Variants in RAP1GAP2 observed in about 807,000 individuals in gnomAD.
RAP1GAP2 encodes rap1 GTPase-activating protein 2.
RAP1GAP2 carries 27 observed loss-of-function variants against 95.0 expected under a neutral mutation model. The observed-to-expected ratio is 0.28, with a 90% CI of 0.21 to 0.39. RAP1GAP2 has a LOEUF of 0.39. Ranked by LOEUF, RAP1GAP2 falls within the 10% of genes least tolerant of loss-of-function variation. The pLI, the probability that RAP1GAP2 is intolerant of heterozygous loss-of-function variation, is 1.00. For missense variants in RAP1GAP2, 771 were observed against 970.0 expected (o/e 0.79, Z 2.72); for synonymous variants, 373 against 380.9 (o/e 0.98, Z 0.24).
chr17:3,025,986 C>G (rs767417843), intron 19 of RAP1GAP2, 22 bp from the exon 20 acceptor site: 2 of 1,572,288 alleles, frequency 1.3e-6, no homozygotes, highest in South Asian at 2.2e-5. Flanking sequence ...CGCGGCCTCA[C>G]TCCTCATTTC....
At chr17:2,838,261 G>A (rs112059434) in intron 2 of RAP1GAP2, among the ~76,000 whole-genome samples, 19,137 of 151,620 alleles carry the variant, frequency 0.13, 1,513 homozygotes, top group Non-Finnish European at 0.18. Flanking sequence ...CTTGTGATCC[G>A]CCCGCCTCGG....
At chr17:2,933,683 C>A (rs1356369580) in intron 3 of RAP1GAP2, among the ~76,000 whole-genome samples, 2 of 152,220 alleles carry the variant, frequency 1.3e-5, no homozygotes, top group African/African-American at 2.4e-5. Flanking sequence ...TCCTAGAATG[C>A]CTAACCCTCT....
chr17:2,970,256 AGAGT>A (rs1291238303), intron 8 of RAP1GAP2, among the ~76,000 whole-genome samples: 3 of 144,456 alleles, frequency 2.1e-5, no homozygotes, highest in African/African-American at 7.6e-5. Flanking sequence ...CCTGGGCGAC[AGAGT>A]GAGACTCTGT....
At chr17:2,976,275 A>G (rs954338006) in intron 8 of RAP1GAP2, among the ~76,000 whole-genome samples, 5 of 152,242 alleles carry the variant, frequency 3.3e-5, no homozygotes, top group African/African-American at 1.2e-4. Context: ...AAAGAAAAAA[A>G]TACATTTTTT....
chr17:2,812,150 T>C (rs568894092), intron 2 of RAP1GAP2, among the ~76,000 whole-genome samples: 1 of 152,284 alleles, frequency 6.6e-6, no homozygotes, highest in South Asian at 2.1e-4. Flanking sequence ...TCAGCTCTTG[T>C]TTCTTTGTGG....
chr17:2,796,532 T>C lies in RAP1GAP2; in HGVS notation c.5T>C (p.Phe2Ser). 1 of 1,563,138 alleles carries C rather than the reference T, an allele frequency of 6.4e-7. No individual in the cohort carries two copies. Reference sequence around the variant, plus strand: ...CCGGGCTCTGCAGCCACAACCATGTTTGGCCGGAAGCGCAGTGTCTCCTTT... The same window carrying C: ...CCGGGCTCTGCAGCCACAACCATGTCTGGCCGGAAGCGCAGTGTCTCCTTT... M[F>S]GRKRSVSFGG... The change falls in exon 1 of 25, where the codon TTT becomes TCT. Residue 2 changes from phenylalanine to serine, a missense_variant. Transcript: ENST00000254695. The surrounding 1 kb of genome is among the most constrained non-coding windows in gnomAD (Gnocchi z 4.7).
At chr17:2,989,541 C>T (rs1168452504) in intron 11 of RAP1GAP2, among the ~76,000 whole-genome samples, 1 of 152,146 alleles carries the variant, frequency 6.6e-6, no homozygotes, top group African/African-American at 2.4e-5. Context: ...CCATGTTGGC[C>T]AGGCTGGTTT....
intron 2 of RAP1GAP2, among the ~76,000 whole-genome samples, chr17:2,873,044 A>C (rs1165775411): frequency 6.6e-6 from 1 of 150,950 alleles, no homozygotes; most frequent in Non-Finnish European, 1.5e-5. Flanking sequence ...CGGAGGTTGC[A>C]GTGAGCTGAG....
At chr17:2,887,667 G>C (rs1424935594) in intron 2 of RAP1GAP2, among the ~76,000 whole-genome samples, 3 of 147,396 alleles carry the variant, frequency 2.0e-5, no homozygotes, top group Non-Finnish European at 4.5e-5. Context: ...GAGCCACCGC[G>C]CTTGGTTTTT....
At chr17:2,918,694 T>C (rs1368191278) in intron 3 of RAP1GAP2, among the ~76,000 whole-genome samples, 1 of 151,922 alleles carries the variant, frequency 6.6e-6, no homozygotes. Context: ...GAGGGGATGG[T>C]GGTAAAGCAT....
chr17:2,956,100 G>A (rs1413358433), intron 3 of RAP1GAP2, among the ~76,000 whole-genome samples: 4 of 152,168 alleles, frequency 2.6e-5, no homozygotes, highest in South Asian at 2.1e-4. Flanking sequence ...AGCTCTTTAC[G>A]TCTGCTAATC....
rs2073313726 is a variant in RAP1GAP2 at position 2,881,954 on chromosome 17, G to C, written c.81-23330G>C. ...TCCTGCCTCAGCCTCCCGAGTAGCT[G>C]GGACTACAGGTGCCTGCCACCACGC... is the stretch of plus-strand genomic sequence containing the variant. On this transcript the variant is annotated intron_variant, in intron 2 of 24. Transcript: ENST00000254695. 2.0e-5 allele frequency among the ~76,000 whole-genome samples: 3 copies of C among 151,946 alleles called. No homozygotes were observed. The South Asian group carries it at 6.2e-4, about 32-fold the overall frequency.
chr17:3,006,676 G>A (rs545159319), intron 16 of RAP1GAP2, among the ~76,000 whole-genome samples: 33 of 151,710 alleles, frequency 2.2e-4, no homozygotes, highest in Admixed American at 6.6e-5. Flanking sequence ...CTCGTGATCC[G>A]CCTGCCTCGG....
At chr17:3,020,153 G>GT (rs1433766219) in intron 18 of RAP1GAP2, among the ~76,000 whole-genome samples, 2 of 152,220 alleles carry the variant, frequency 1.3e-5, no homozygotes. Context: ...CCCTGGCTCT[G>GT]TGCCTCTCAG....
chr17:2,792,957 C>A (rs2068964735), upstream of RAP1GAP2, among the ~76,000 whole-genome samples: 1 of 152,154 alleles, frequency 6.6e-6, no homozygotes, highest in African/African-American at 2.4e-5. Flanking sequence ...CATCTGTCAG[C>A]TTTGTCTTCC....
chr17:2,941,753 C>T (rs966201719), intron 3 of RAP1GAP2, among the ~76,000 whole-genome samples: 15 of 150,952 alleles, frequency 9.9e-5, no homozygotes, highest in Non-Finnish European at 2.2e-4. Context: ...ACCGCAACCT[C>T]CTCACAGCAA....
rs2042101906 is a variant in RAP1GAP2, at chr17:2,903,779, G to A, written c.81-1505G>A. 6.6e-6 allele frequency among the ~76,000 whole-genome samples: 1 copy of A among 152,158 alleles called. No homozygotes were observed. Among genetic ancestry groups the A allele is most frequent in the African/African-American group, 2.4e-5 (1 of 41,450 alleles). ...GGGAGGGCTGGCTGGTCAACTGCAG[G>A]GGCAGGCAGGGGTACACATGACCCA... On this transcript the variant is annotated intron_variant, in intron 2 of 24. Transcript: ENST00000254695. The surrounding 1 kb of genome is among the most constrained non-coding windows in gnomAD (Gnocchi z 4.1).
chr17:3,032,428 TG>T lies in RAP1GAP2; in HGVS notation c.*11del. On this transcript the variant is annotated 3_prime_UTR_variant, in exon 24 of 25. Coordinates refer to ENST00000254695, the MANE Select transcript of RAP1GAP2 (RefSeq NM_015085.5). ...TGAAACAGGGTCACTAATGTGAAAGTGGAGTCCTTCGCCTGTCCAAGGTGGG... is the reference window on the plus strand; with the variant it reads ...TGAAACAGGGTCACTAATGTGAAAGTGAGTCCTTCGCCTGTCCAAGGTGGG... The T allele has an allele frequency of 6.2e-7, 1 of 1,613,874 alleles. No individual in the cohort carries two copies. Among genetic ancestry groups the T allele is most frequent in the Non-Finnish European group, 8.5e-7 (1 of 1,179,768 alleles).
chr17:2,942,019 G>T (rs2043518568), intron 3 of RAP1GAP2, among the ~76,000 whole-genome samples: 1 of 152,136 alleles, frequency 6.6e-6, no homozygotes, highest in Non-Finnish European at 1.5e-5. Flanking sequence ...CACTGAGATG[G>T]CTTTTGAGGG....
Sources: gnomAD v4.1 joint callset for allele counts (sites outside exome capture counted in the v4.1 genomes callset) on GRCh38, gnomAD v4.1.1 for gene constraint, Gnocchi (gnomAD v3.1) non-coding constraint, MANE v1.5 for transcripts, NCBI Gene and HGNC (gene_info 2026-07-23, HGNC 2026-07-21) for gene names.